NEDD4L: variants seen among roughly 807,000 people sequenced by gnomAD.
NEDD4L encodes E3 ubiquitin-protein ligase NEDD4-like.
Under a neutral mutation model 148.9 loss-of-function variants are expected in NEDD4L, and 54 were observed. That is an observed-to-expected ratio of 0.36 (90% CI 0.29 to 0.45). The LOEUF is 0.45. Ranked by LOEUF, NEDD4L falls within the 20% of genes least tolerant of loss-of-function variation. The probability of loss-of-function intolerance (pLI) is 1.00; values close to 1 mark genes in which losing one functional copy is unlikely to be tolerated. For missense variants in NEDD4L, 856 were observed against 1,233.8 expected, an observed-to-expected ratio of 0.69 and a Z score of 4.59; for synonymous variants, 433 against 440.7, an observed-to-expected ratio of 0.98 and a Z score of 0.22.
At chr18:58,388,097 C>G (rs12456509) in intron 27 of NEDD4L, 68,597 of 152,140 alleles carry the variant, frequency 0.45, 16,674 homozygotes, top group East Asian at 0.6. Flanking sequence ...TAGTGATTGT[C>G]TAGTTCAGCT....
At position 58,322,457 on chromosome 18, in the gene NEDD4L, A is replaced by G. The variant is rs74704306; in HGVS notation, c.381A>G (p.Thr127=). ...TEDPTMERPY[T]FKDFLLRPRS... ...ATCCAACCATGGAGCGACCCTATAC[A>G]TTTAAGGACTTTCTCCTCAGACCAA... The change falls in exon 7 of 31, where the codon ACA becomes ACG. Residue 127 remains threonine, a synonymous_variant. Coordinates refer to ENST00000400345, the MANE Select transcript of NEDD4L (RefSeq NM_001144967.3). The G allele has an allele frequency of 4.9e-6, 7 of 1,430,874 alleles. No homozygotes were observed. In the East Asian group the frequency reaches 2.4e-4, roughly 49 times the overall value. The allele number at this position is 1,430,874 out of a possible 1,614,324, so 88.6% of individuals were successfully genotyped here.
chr18:58,172,763 G>A (rs1262934497), intron 2 of NEDD4L, among the ~76,000 whole-genome samples: 1 of 152,168 alleles, frequency 6.6e-6, no homozygotes, highest in Non-Finnish European at 1.5e-5. Context: ...TAAGAAAATT[G>A]AGAAGTTATC....
chr18:58,232,447 G>A (rs1251160051), intron 2 of NEDD4L, among the ~76,000 whole-genome samples: 3 of 152,176 alleles, frequency 2.0e-5, no homozygotes, highest in Non-Finnish European at 4.4e-5. Context: ...CACAGTTCAC[G>A]CTGGTGGGCC....
chr18:58,070,209 T>G (rs1444159600), intron 1 of NEDD4L, among the ~76,000 whole-genome samples: 1 of 152,216 alleles, frequency 6.6e-6, no homozygotes, highest in African/African-American at 2.4e-5. Context: ...TGAGGTGGTG[T>G]TGCTAATTGA....
intron 2 of NEDD4L, among the ~76,000 whole-genome samples, chr18:58,217,504 C>T (rs182370487): frequency 4.1e-4 from 63 of 152,248 alleles, no homozygotes; most frequent in African/African-American, 1.4e-3. Context: ...GCTAGGGTCT[C>T]GCTCTGTCAC....
chr18:58,348,156 T>C (rs1010438072), intron 16 of NEDD4L, among the ~76,000 whole-genome samples: 1 of 151,534 alleles, frequency 6.6e-6, no homozygotes, highest in African/African-American at 2.4e-5. Context: ...ACCACCACAC[T>C]CAGCTAACTT....
chr18:58,252,501 A>G (rs1359738356), intron 5 of NEDD4L, among the ~76,000 whole-genome samples: 1 of 152,232 alleles, frequency 6.6e-6, no homozygotes. Context: ...AACAACGTAT[A>G]GCAAAAAGTG....
chr18:58,374,215 A>G (rs1276420728), intron 24 of NEDD4L, among the ~76,000 whole-genome samples: 1 of 152,186 alleles, frequency 6.6e-6, no homozygotes, highest in Non-Finnish European at 1.5e-5. Flanking sequence ...AAATTGTTGG[A>G]TAAGAAAATA....
At chr18:58,078,239 A>G (rs1045127059) in intron 1 of NEDD4L, among the ~76,000 whole-genome samples, 3 of 152,212 alleles carry the variant, frequency 2.0e-5, no homozygotes, top group Non-Finnish European at 4.4e-5. Context: ...CTGATTTCTA[A>G]AAGCTTGTTA....
At chr18:58,343,358 A>C (rs2042665472) in intron 16 of NEDD4L, among the ~76,000 whole-genome samples, 1 of 152,154 alleles carries the variant, frequency 6.6e-6, no homozygotes, top group South Asian at 2.1e-4. Flanking sequence ...TAGACAGTTC[A>C]CCGTGCTGGA....
intron 5 of NEDD4L, among the ~76,000 whole-genome samples, chr18:58,290,561 G>A (rs1316711165): frequency 8.5e-5 from 13 of 152,160 alleles, no homozygotes; most frequent in Admixed American, 8.5e-4. Flanking sequence ...CCCTTATCTC[G>A]TTGCATTGAA....
intron 1 of NEDD4L, chr18:58,054,828 T>C (rs1424445179): frequency 6.6e-6 from 1 of 152,216 alleles, no homozygotes; most frequent in Non-Finnish European, 1.5e-5. Flanking sequence ...GAACTTCCCA[T>C]GTTGACGTTG....
intron 1 of NEDD4L, among the ~76,000 whole-genome samples, chr18:58,151,515 A>G (rs1416806768): frequency 6.6e-6 from 1 of 152,178 alleles, no homozygotes; most frequent in Non-Finnish European, 1.5e-5. Flanking sequence ...TGCTCAGTAA[A>G]GCTTGAGAAA....
At chr18:58,341,271 G>A (rs905609549) in intron 14 of NEDD4L, 102 bp downstream of exon 14, 10 of 1,325,032 alleles carry the variant, frequency 7.5e-6, no homozygotes, top group South Asian at 3.0e-5. Flanking sequence ...TGAAAGACCC[G>A]TATTTGTAAA....
At chr18:58,185,011 A>G (rs2039308668) in intron 2 of NEDD4L, among the ~76,000 whole-genome samples, 1 of 152,028 alleles carries the variant, frequency 6.6e-6, no homozygotes, top group Admixed American at 6.5e-5. Flanking sequence ...CCTGCGAGGG[A>G]GGGTGAATTA....
intron 5 of NEDD4L, among the ~76,000 whole-genome samples, chr18:58,292,541 C>G (rs1263077832): frequency 1.3e-5 from 2 of 152,224 alleles, no homozygotes; most frequent in South Asian, 2.1e-4. Context: ...CTCCTCTACT[C>G]TCTCGTAGTA....
chr18:58,288,596 A>G (rs1292327172), intron 5 of NEDD4L, among the ~76,000 whole-genome samples: 1 of 152,246 alleles, frequency 6.6e-6, no homozygotes, highest in East Asian at 1.9e-4. Flanking sequence ...TGCTATTGCA[A>G]AATGAAAGAG....
At chr18:58,073,066 A>AT (rs1241340623) in intron 1 of NEDD4L, among the ~76,000 whole-genome samples, 1 of 152,220 alleles carries the variant, frequency 6.6e-6, no homozygotes, top group East Asian at 1.9e-4. Flanking sequence ...CACAAACTAT[A>AT]AAACATTCTT....
chr18:58,352,656 C>CA (rs899622827), intron 18 of NEDD4L, among the ~76,000 whole-genome samples: 26 of 149,748 alleles, frequency 1.7e-4, no homozygotes, highest in Middle Eastern at 3.4e-3. Flanking sequence ...GAGGCTGTCT[C>CA]AAAAAAAAAG....
Sources: gnomAD v4.1 joint callset for allele counts (sites outside exome capture counted in the v4.1 genomes callset) on GRCh38, gnomAD v4.1.1 for gene constraint, MANE v1.5 for transcripts, NCBI Gene and HGNC (gene_info 2026-07-23, HGNC 2026-07-21) for gene names.